The following RASGRP3 variants were observed in gnomAD, a reference collection of about 807,000 sequenced individuals.
The protein encoded by RASGRP3 is ras guanyl-releasing protein 3.
Under a neutral mutation model 82.7 loss-of-function variants are expected in RASGRP3, and 54 were observed. The ratio of observed to expected loss-of-function variants is 0.65; its 90% CI spans 0.52 to 0.82. The LOEUF (loss-of-function observed/expected upper bound fraction) is 0.82, where lower values mean the gene tolerates loss of function less well. Ranked by LOEUF, RASGRP3 falls within the 40% of genes least tolerant of loss-of-function variation. The pLI is 0.00. For synonymous variants in RASGRP3, 309 were observed against 300.5 expected, an observed-to-expected ratio of 1.03 and a Z score of -0.29; for missense variants, 861 against 828.9, an observed-to-expected ratio of 1.04 and a Z score of -0.48.
intron 6 of RASGRP3, 97 bp downstream of exon 6, chr2:33,520,781 G>A: frequency 6.6e-7 from 1 of 1,505,926 alleles, no homozygotes; most frequent in Non-Finnish European, 9.0e-7. Context: ...TCCCACTCCT[G>A]AATCCAGGTT....
chr2:33,522,650 T>A (rs1175897777), intron 7 of RASGRP3, among the ~76,000 whole-genome samples: 2 of 152,176 alleles, frequency 1.3e-5, no homozygotes, highest in Admixed American at 6.5e-5. Context: ...CTTTCTCTGG[T>A]CTGTGATTTC....
intron 4 of RASGRP3, among the ~76,000 whole-genome samples, chr2:33,518,309 T>G (rs1393379311): frequency 6.6e-6 from 1 of 152,168 alleles, no homozygotes; most frequent in Non-Finnish European, 1.5e-5. Flanking sequence ...TGGGTATTTG[T>G]GTATCTAAAC....
intron 13 of RASGRP3, among the ~76,000 whole-genome samples, chr2:33,548,344 G>A (rs1309386523): frequency 8.2e-6 from 1 of 121,762 alleles, no homozygotes; most frequent in Non-Finnish European, 1.6e-5. Flanking sequence ...CTAGGCTAAA[G>A]AGCGGGACTC....
intron 9 of RASGRP3, 89 bp from the exon 10 acceptor site, chr2:33,527,048 T>C: frequency 7.4e-7 from 1 of 1,355,638 alleles, no homozygotes; most frequent in Non-Finnish European, 1.0e-6. Context: ...TCTCAGTAGC[T>C]GAGGAATTTC....
chr2:33,492,367 C>T (rs558372762), intron 1 of RASGRP3, among the ~76,000 whole-genome samples: 8 of 152,210 alleles, frequency 5.3e-5, no homozygotes, highest in African/African-American at 1.9e-4. Flanking sequence ...GAAAGAAGCC[C>T]ATGGACACAA....
intron 6 of RASGRP3, 44 bp from the exon 7 acceptor site, chr2:33,521,911 A>T (rs375137522): frequency 6.4e-7 from 1 of 1,571,732 alleles, no homozygotes. Context: ...CATTGAGTGA[A>T]ATGGGCTTTC....
chr2:33,487,535 A>G (rs1310350426), intron 1 of RASGRP3, among the ~76,000 whole-genome samples: 1 of 152,210 alleles, frequency 6.6e-6, no homozygotes, highest in Non-Finnish European at 1.5e-5. Flanking sequence ...TAACCTATAT[A>G]GGGAAAGGAT....
intron 1 of RASGRP3, among the ~76,000 whole-genome samples, chr2:33,444,457 A>G (rs1367942980): frequency 6.6e-6 from 1 of 152,182 alleles, no homozygotes; most frequent in Non-Finnish European, 1.5e-5. Flanking sequence ...TCCTTACTGC[A>G]TGTCTCAACT....
intron 1 of RASGRP3, among the ~76,000 whole-genome samples, chr2:33,495,658 G>A (rs937479258): frequency 6.6e-6 from 1 of 152,212 alleles, no homozygotes; most frequent in Non-Finnish European, 1.5e-5. Flanking sequence ...CTGGGAGGCT[G>A]AGGCAGAAGG....
At chr2:33,472,342 GA>G, upstream of RASGRP3, among the ~76,000 whole-genome samples, 2 of 152,316 alleles carry the variant, frequency 1.3e-5, no homozygotes, top group South Asian at 4.1e-4. Flanking sequence ...GAGTGGGAGT[GA>G]AGCCCTGAAG....
At chr2:33,508,918 C>A (rs1670658216) in intron 1 of RASGRP3, among the ~76,000 whole-genome samples, 1 of 152,162 alleles carries the variant, frequency 6.6e-6, no homozygotes, top group Non-Finnish European at 1.5e-5. Flanking sequence ...CCCCTGCATT[C>A]AAGAAGCAAT....
chr2:33,545,118 T>C (rs1674611546), intron 13 of RASGRP3, among the ~76,000 whole-genome samples: 1 of 152,226 alleles, frequency 6.6e-6, no homozygotes, highest in Admixed American at 6.5e-5. Context: ...CTTTTATCTG[T>C]TGGTTCTAGA....
intron 4 of RASGRP3, among the ~76,000 whole-genome samples, chr2:33,518,731 CT>C (rs1296805415): frequency 6.6e-6 from 1 of 151,132 alleles, no homozygotes; most frequent in Non-Finnish European, 1.5e-5. Flanking sequence ...ACTTTTTAAA[CT>C]TTTTTCGTTA....
intron 1 of RASGRP3, among the ~76,000 whole-genome samples, chr2:33,489,252 C>T (rs1668646968): frequency 6.6e-6 from 1 of 152,224 alleles, no homozygotes; most frequent in Non-Finnish European, 1.5e-5. Flanking sequence ...TTAAAAATCT[C>T]ACGCAAACAT....
chr2:33,514,239 T>G (rs1301086292), intron 2 of RASGRP3, among the ~76,000 whole-genome samples: 1 of 152,170 alleles, frequency 6.6e-6, no homozygotes, highest in Non-Finnish European at 1.5e-5. Context: ...CTGTTACAGT[T>G]GTTGAATATT....
At chr2:33,472,197 T>C (rs1322595767), upstream of RASGRP3, among the ~76,000 whole-genome samples, 1 of 152,220 alleles carries the variant, frequency 6.6e-6, no homozygotes, top group Non-Finnish European at 1.5e-5. Context: ...TATTAGGCAT[T>C]GCAGGATATA....
chr2:33,557,940 C>G (rs1676185660), intron 15 of RASGRP3, among the ~76,000 whole-genome samples: 1 of 152,138 alleles, frequency 6.6e-6, no homozygotes, highest in South Asian at 2.1e-4. Context: ...ACTCTATTTA[C>G]TCCCTAGGCA....
intron 2 of RASGRP3, among the ~76,000 whole-genome samples, chr2:33,466,311 C>T (rs1456377225): frequency 4.6e-5 from 7 of 152,238 alleles, no homozygotes; most frequent in African/African-American, 1.7e-4. Flanking sequence ...GGAGGAGGTC[C>T]GATTATTGAC....
chr2:33,502,876 C>T (rs1330477537), intron 1 of RASGRP3, among the ~76,000 whole-genome samples: 1 of 152,140 alleles, frequency 6.6e-6, no homozygotes, highest in Non-Finnish European at 1.5e-5. Context: ...CTTTCTTTCT[C>T]ATTCTCTGTC....
Sources: gnomAD v4.1 joint callset for allele counts (sites outside exome capture counted in the v4.1 genomes callset) on GRCh38, gnomAD v4.1.1 for gene constraint, MANE v1.5 for transcripts, NCBI Gene and HGNC (gene_info 2026-07-23, HGNC 2026-07-21) for gene names.